Variants in RNF150 observed in about 807,000 individuals in gnomAD.
RNF150 encodes the protein ring finger protein 150.
A neutral mutation model predicts 39.3 loss-of-function variants in RNF150; 24 were observed. The ratio of observed to expected loss-of-function variants is 0.61; its 90% CI spans 0.44 to 0.86. The LOEUF is 0.86. Among genes scored for constraint, RNF150 ranks in the 40% least tolerant of loss-of-function variants. The probability of loss-of-function intolerance (pLI) is 0.00; values close to 1 mark genes in which losing one functional copy is unlikely to be tolerated. For missense variants in RNF150, 502 were observed against 587.8 expected (o/e 0.85, Z 1.51); for synonymous variants, 255 against 227.3 (o/e 1.12, Z -1.10).
At chr4:140,984,774 T>A (rs917810073) in intron 1 of RNF150, among the ~76,000 whole-genome samples, 5 of 152,140 alleles carry the variant, frequency 3.3e-5, no homozygotes, top group African/African-American at 1.2e-4. Context: ...AGCCATGAAC[T>A]AATGACTAAA....
chr4:141,042,541 T>C (rs2110862710), intron 1 of RNF150, among the ~76,000 whole-genome samples: 1 of 152,200 alleles, frequency 6.6e-6, no homozygotes, highest in East Asian at 1.9e-4. Context: ...TTAGTTCCAT[T>C]ACTGTAATCC....
rs146110404 is a variant in RNF150 at position 140,926,546 on chromosome 4, A to AATG, written c.891-474_891-473insCAT. 9.2e-3 allele frequency among the ~76,000 whole-genome samples: 1,401 copies of AATG among 152,306 alleles called. 10 individuals are homozygous for AATG. Among genetic ancestry groups the AATG allele is most frequent in the Middle Eastern group, 0.027 (8 of 294 alleles). On this transcript the variant is annotated intron_variant, in intron 4 of 6. Transcript: ENST00000515673. The stretch of plus-strand genomic sequence containing the variant: ...ACAAAAGGGCAAAAGAGCTCCTGAA[A>AATG]GCATTCAGTAACACCAATGCCATTT...
chr4:141,118,657 C>T (rs1726510684), intron 1 of RNF150, among the ~76,000 whole-genome samples: 1 of 152,152 alleles, frequency 6.6e-6, no homozygotes, highest in Admixed American at 6.5e-5. Flanking sequence ...ATTTCAGGGT[C>T]ACCATTCCTT....
At chr4:140,922,132 G>A (rs1217983447) in intron 5 of RNF150, among the ~76,000 whole-genome samples, 1 of 151,786 alleles carries the variant, frequency 6.6e-6, no homozygotes, top group Non-Finnish European at 1.5e-5. Flanking sequence ...ATTCAGGCAG[G>A]AGAAGGAAAT....
At chr4:141,023,212 A>T (rs1332686427) in intron 1 of RNF150, among the ~76,000 whole-genome samples, 1 of 146,046 alleles carries the variant, frequency 6.8e-6, no homozygotes, top group African/African-American at 2.6e-5. Context: ...CCACATAAAA[A>T]AGAAACTGGT....
intron 6 of RNF150, among the ~76,000 whole-genome samples, chr4:140,892,950 C>G (rs999049426): frequency 3.3e-5 from 5 of 152,026 alleles, no homozygotes; most frequent in Admixed American, 6.5e-5. Context: ...TACCTGTAGT[C>G]CCAGCTACTC....
At chr4:140,897,982 T>C (rs1730024657) in intron 6 of RNF150, among the ~76,000 whole-genome samples, 1 of 152,146 alleles carries the variant, frequency 6.6e-6, no homozygotes, top group Non-Finnish European at 1.5e-5. Flanking sequence ...AAATTAGGGA[T>C]GGGAAATTTC....
chr4:141,008,428 C>T (rs1055837408), intron 1 of RNF150, among the ~76,000 whole-genome samples: 15 of 152,040 alleles, frequency 9.9e-5, no homozygotes, highest in Admixed American at 8.5e-4. Flanking sequence ...TTAATTAAGT[C>T]CAATTTATTA....
chr4:140,899,099 T>A (rs549582913), intron 6 of RNF150, among the ~76,000 whole-genome samples: 5 of 152,258 alleles, frequency 3.3e-5, no homozygotes, highest in African/African-American at 9.6e-5. Flanking sequence ...GGTTTTTTTT[T>A]AAATGAGATC....
chr4:141,133,147 G>A lies in RNF150; in HGVS notation c.-339C>T. The A allele has an allele frequency of 3.7e-6, 1 of 268,880 alleles. No homozygotes were observed. The allele number at this position is 268,880 out of a possible 1,614,324, so 16.7% of individuals were successfully genotyped here. A position where few individuals can be genotyped will look rare whatever the true frequency, so the allele number is the denominator to read the frequency against. Reference sequence around the variant, plus strand: ...GGCTTCGCCTTCTCTCATAAGGGTGGCCGGGGGCCCACGAACTTGCAGGGT... The same window carrying A: ...GGCTTCGCCTTCTCTCATAAGGGTGACCGGGGGCCCACGAACTTGCAGGGT... On this transcript the variant is annotated 5_prime_UTR_variant, in exon 1 of 7. Transcript: ENST00000515673.
At chr4:141,039,510 T>C (rs937773678) in intron 1 of RNF150, among the ~76,000 whole-genome samples, 3 of 151,960 alleles carry the variant, frequency 2.0e-5, no homozygotes, top group Non-Finnish European at 2.9e-5. Flanking sequence ...GGCCATACAT[T>C]TAGGAACTGA....
intron 1 of RNF150, among the ~76,000 whole-genome samples, chr4:141,016,528 C>T (rs1735281275): frequency 6.6e-6 from 1 of 152,248 alleles, no homozygotes. Flanking sequence ...TCTGCGGGAG[C>T]AGTCACAGAG....
chr4:141,112,317 A>G (rs928628463), intron 1 of RNF150, among the ~76,000 whole-genome samples: 3 of 84,874 alleles, frequency 3.5e-5, no homozygotes, highest in African/African-American at 9.9e-5. Flanking sequence ...GTTTCTTCAT[A>G]ATATCGATGG....
rs532206138 is a variant in RNF150, at chr4:140,923,532, A to T, written c.987+2445T>A. On this transcript the variant is annotated intron_variant, in intron 5 of 6. Coordinates refer to ENST00000515673, the MANE Select transcript of RNF150 (RefSeq NM_020724.2). Reference sequence around the variant, plus strand: ...TTTTACACTGTTGGTGGGACTGTAAACTAGTTCAACCATTGTGGAAGTCGG... The same window carrying T: ...TTTTACACTGTTGGTGGGACTGTAATCTAGTTCAACCATTGTGGAAGTCGG... Among the ~76,000 whole-genome samples the T allele has an allele frequency of 3.4e-4, 52 of 152,322 alleles. 1 individual carries two copies. In the East Asian group the frequency reaches 9.8e-3, roughly 29 times the overall value.
In RNF150 at chr4:141,161,561, C is replaced by T. The variant is rs555712754; in HGVS notation, c.-6+51233G>A. On this transcript the variant is annotated intron_variant, in intron 1 of 7. Transcript: ENST00000420921. ...AAAAGGACAGCAAGTGCTGATAGCCCAAGACAATGGGGAAAAGCCCTCCAG... is the reference window on the plus strand; with the variant it reads ...AAAAGGACAGCAAGTGCTGATAGCCTAAGACAATGGGGAAAAGCCCTCCAG... Among the ~76,000 whole-genome samples, 17 of 152,286 alleles carry T rather than the reference C, an allele frequency of 1.1e-4. 1 individual carries two copies. The South Asian group carries it at 2.5e-3, about 22-fold the overall frequency.
intron 1 of RNF150, among the ~76,000 whole-genome samples, chr4:141,197,283 C>T (rs961383837): frequency 1.1e-4 from 16 of 152,112 alleles, no homozygotes; most frequent in Admixed American, 9.8e-4. Flanking sequence ...TATGCAATAA[C>T]AAATTTAGTT....
intron 4 of RNF150, among the ~76,000 whole-genome samples, chr4:140,944,111 T>C (rs1732193462): frequency 6.6e-6 from 1 of 152,196 alleles, no homozygotes; most frequent in Non-Finnish European, 1.5e-5. Context: ...CACCATGTGA[T>C]AAAAGCCAGG....
At chr4:141,056,793 C>T (rs993912142) in intron 1 of RNF150, among the ~76,000 whole-genome samples, 1 of 152,006 alleles carries the variant, frequency 6.6e-6, no homozygotes, top group Non-Finnish European at 1.5e-5. Flanking sequence ...TAGAGAATCA[C>T]GGCTTATTAA....
At chr4:141,083,181 T>C (rs560000333) in intron 1 of RNF150, among the ~76,000 whole-genome samples, 127 of 152,280 alleles carry the variant, frequency 8.3e-4, no homozygotes, top group African/African-American at 2.9e-3. Flanking sequence ...TAGTACTACA[T>C]AATTTCCCCC....
Sources: allele counts gnomAD v4.1 joint callset (sites outside exome capture counted in the v4.1 genomes callset), GRCh38; gene constraint gnomAD v4.1.1; transcripts MANE v1.5; gene names NCBI Gene and HGNC (gene_info 2026-07-23, HGNC 2026-07-21).